The following ELAVL2 variants were observed in gnomAD, a reference collection of about 807,000 sequenced individuals.
The protein encoded by ELAVL2 is ELAV like RNA binding protein 2.
Under a neutral mutation model 34.6 loss-of-function variants are expected in ELAVL2, and 4 were observed. The ratio of observed to expected loss-of-function variants is 0.12; its 90% CI spans 0.06 to 0.26. The LOEUF (loss-of-function observed/expected upper bound fraction) is 0.26, where lower values mean the gene tolerates loss of function less well. Ranked by LOEUF, ELAVL2 falls within the 10% of genes least tolerant of loss-of-function variation. The probability of loss-of-function intolerance (pLI) is 1.00; values close to 1 mark genes in which losing one functional copy is unlikely to be tolerated. For synonymous variants in ELAVL2, 193 were observed against 154.8 expected, an observed-to-expected ratio of 1.25 and a Z score of -1.83; for missense variants, 432 against 442.8, an observed-to-expected ratio of 0.98 and a Z score of 0.22.
chr9:23,694,602 C>T (rs769629649), intron 5 of ELAVL2, among the ~76,000 whole-genome samples: 3 of 152,202 alleles, frequency 2.0e-5, no homozygotes, highest in African/African-American at 7.2e-5. Context: ...TGAAAAGTCT[C>T]AGCCTTATCA....
At chr9:23,709,361 C>G (rs977078012) in intron 3 of ELAVL2, among the ~76,000 whole-genome samples, 1 of 152,070 alleles carries the variant, frequency 6.6e-6, no homozygotes, top group African/African-American at 2.4e-5. Context: ...CTCTGGAGAT[C>G]AGTTACCTAA....
chr9:23,809,431 T>C (rs1177302982), intron 1 of ELAVL2, among the ~76,000 whole-genome samples: 1 of 152,112 alleles, frequency 6.6e-6, no homozygotes, highest in Non-Finnish European at 1.5e-5. Context: ...AATCAGGACA[T>C]TAAGTAAACT....
At chr9:23,740,906 T>C (rs1564199149) in intron 2 of ELAVL2, among the ~76,000 whole-genome samples, 2 of 152,198 alleles carry the variant, frequency 1.3e-5, no homozygotes, top group Non-Finnish European at 2.9e-5. Flanking sequence ...GCAGATTGCA[T>C]TAAAATGCTT....
intron 2 of ELAVL2, among the ~76,000 whole-genome samples, chr9:23,753,867 A>G (rs936997052): frequency 2.6e-5 from 4 of 152,288 alleles, no homozygotes; most frequent in Admixed American, 2.0e-4. Flanking sequence ...TTTCAACTGT[A>G]ATTTTATTTT....
At chr9:23,827,132 A>G (rs944208243), upstream of ELAVL2, among the ~76,000 whole-genome samples, 2 of 152,244 alleles carry the variant, frequency 1.3e-5, no homozygotes, top group Non-Finnish European at 2.9e-5. Flanking sequence ...GCAGCTGTAT[A>G]TAAAACTGGA....
intron 3 of ELAVL2, 111 bp from the exon 4 acceptor site, chr9:23,705,182 A>C: frequency 8.2e-7 from 1 of 1,213,090 alleles, no homozygotes; most frequent in Non-Finnish European, 1.1e-6. Context: ...AGAACACTGA[A>C]GTTCAAGCAA....
intron 3 of ELAVL2, among the ~76,000 whole-genome samples, chr9:23,714,943 T>C (rs1184416164): frequency 1.3e-5 from 2 of 152,158 alleles, no homozygotes; most frequent in African/African-American, 4.8e-5. Flanking sequence ...CAGTACTCAG[T>C]ATTTTGAGCC....
At chr9:23,746,217 G>C (rs1588030249) in intron 2 of ELAVL2, among the ~76,000 whole-genome samples, 1 of 152,066 alleles carries the variant, frequency 6.6e-6, no homozygotes, top group African/African-American at 2.4e-5. Context: ...TTTACCAATA[G>C]CTATGGCAAG....
At chr9:23,846,482 T>C in the ELAVL2 span, among the ~76,000 whole-genome samples, 1 of 152,002 alleles carries the variant, frequency 6.6e-6, no homozygotes, top group Admixed American at 6.6e-5. Flanking sequence ...ATTTTAGTCA[T>C]TAAGATTTTT....
At chr9:23,716,704 A>G (rs2133903113) in intron 3 of ELAVL2, among the ~76,000 whole-genome samples, 1 of 152,308 alleles carries the variant, frequency 6.6e-6, no homozygotes, top group South Asian at 2.1e-4. Context: ...TGAGAAAGGA[A>G]ATGTATAGTT....
chr9:23,789,602 A>T (rs1384212662), intron 1 of ELAVL2, among the ~76,000 whole-genome samples: 1 of 152,088 alleles, frequency 6.6e-6, no homozygotes, highest in African/African-American at 2.4e-5. Context: ...ATTTTCACAA[A>T]CCTTATTTTG....
At chr9:23,756,036 A>C (rs1337986530) in intron 2 of ELAVL2, among the ~76,000 whole-genome samples, 3 of 152,178 alleles carry the variant, frequency 2.0e-5, no homozygotes, top group African/African-American at 7.2e-5. Context: ...TAGTCTAATA[A>C]AATACCACTT....
At chr9:23,710,784 C>T (rs777660454) in intron 3 of ELAVL2, among the ~76,000 whole-genome samples, 2 of 152,094 alleles carry the variant, frequency 1.3e-5, no homozygotes, top group African/African-American at 2.4e-5. Flanking sequence ...CACTATAACT[C>T]AATAAAAGTT....
chr9:23,711,222 T>A (rs1197696408), intron 3 of ELAVL2, among the ~76,000 whole-genome samples: 1 of 152,196 alleles, frequency 6.6e-6, no homozygotes, highest in East Asian at 1.9e-4. Flanking sequence ...AGGGCAGTTA[T>A]CTTTAACGGA....
chr9:23,767,096 A>T (rs576148742), intron 1 of ELAVL2, among the ~76,000 whole-genome samples: 1 of 152,348 alleles, frequency 6.6e-6, no homozygotes, highest in South Asian at 2.1e-4. Flanking sequence ...CTAAACTTTC[A>T]CTGGGCTCCA....
At chr9:23,819,103 A>C (rs1005127057) in intron 1 of ELAVL2, among the ~76,000 whole-genome samples, 6 of 152,184 alleles carry the variant, frequency 3.9e-5, no homozygotes, top group Admixed American at 2.0e-4. Context: ...ATTATTTTTA[A>C]AAGATAAGCA....
At chr9:23,697,788 C>A (rs1054969071) in intron 5 of ELAVL2, among the ~76,000 whole-genome samples, 6 of 151,388 alleles carry the variant, frequency 4.0e-5, no homozygotes, top group Non-Finnish European at 7.4e-5. Flanking sequence ...AAATGTGAAC[C>A]CGATTAAAGT....
intron 1 of ELAVL2, among the ~76,000 whole-genome samples, chr9:23,794,175 G>C (rs577346453): frequency 1.3e-5 from 2 of 152,308 alleles, no homozygotes; most frequent in South Asian, 4.1e-4. Flanking sequence ...TGCTTCATGA[G>C]CTTATCTTTC....
intron 1 of ELAVL2, among the ~76,000 whole-genome samples, chr9:23,805,239 T>C (rs560439275): frequency 1.6e-4 from 24 of 152,316 alleles, no homozygotes; most frequent in African/African-American, 4.8e-4. Context: ...AAAAGAAATA[T>C]GGCTAAATGG....
Sources: allele counts gnomAD v4.1 joint callset (sites outside exome capture counted in the v4.1 genomes callset), GRCh38; gene constraint gnomAD v4.1.1; transcripts MANE v1.5; gene names NCBI Gene and HGNC (gene_info 2026-07-23, HGNC 2026-07-21).